Variants in PCDHA3 observed in about 807,000 individuals in gnomAD.
The protein encoded by PCDHA3 is protocadherin alpha-3.
In PCDHA3, 41 loss-of-function variants were observed where a neutral mutation model predicts 62.2. The ratio of observed to expected loss-of-function variants is 0.66; its 90% CI spans 0.51 to 0.86. The LOEUF is 0.86. PCDHA3 is among the 40% of genes least tolerant of loss of function. The probability of loss-of-function intolerance (pLI) is 0.00; values close to 1 mark genes in which losing one functional copy is unlikely to be tolerated. For synonymous variants in PCDHA3, 640 were observed against 555.4 expected (o/e 1.15, Z -2.14); for missense variants, 1,304 against 1,241.2 (o/e 1.05, Z -0.76).
At chr5:140,917,118 G>A (rs961408905) in intron 1 of PCDHA3, among the ~76,000 whole-genome samples, 2 of 152,106 alleles carry the variant, frequency 1.3e-5, no homozygotes, top group African/African-American at 2.4e-5. Context: ...CTCCAAGTGC[G>A]CAGACTCCCC....
intron 1 of PCDHA3, chr5:140,841,148 C>G: frequency 1.3e-6 from 1 of 776,052 alleles, no homozygotes. Context: ...CATGATGTCG[C>G]TGTCTACCAA....
intron 1 of PCDHA3, chr5:140,868,939 G>T (rs2050745278): frequency 1.6e-6 from 2 of 1,242,994 alleles, no homozygotes; most frequent in African/African-American, 1.5e-5. Context: ...AGGTTGGTCT[G>T]AACAGTGAGG....
intron 1 of PCDHA3, chr5:140,816,133 A>T (rs1765850461): frequency 6.6e-6 from 1 of 152,150 alleles, no homozygotes; most frequent in Non-Finnish European, 1.5e-5. Flanking sequence ...AACTGTCATA[A>T]TGAGTAGAGC....
intron 1 of PCDHA3, chr5:140,882,292 C>G (rs2059050033): frequency 1.2e-6 from 2 of 1,613,422 alleles, no homozygotes; most frequent in African/African-American, 1.3e-5. Flanking sequence ...GGCAAGGAGG[C>G]CCAAGACCGC....
At chr5:140,901,207 T>C (rs894216497) in intron 1 of PCDHA3, among the ~76,000 whole-genome samples, 1 of 152,206 alleles carries the variant, frequency 6.6e-6, no homozygotes, top group Non-Finnish European at 1.5e-5. Context: ...AGAAGGTTTT[T>C]AAGTTGATGT....
At chr5:140,857,412 C>G (rs782751627) in intron 1 of PCDHA3, 1 of 1,598,338 alleles carries the variant, frequency 6.3e-7, no homozygotes, top group Admixed American at 1.7e-5. Context: ...CCTGCGTTCG[C>G]GCAGTCCGAG....
intron 1 of PCDHA3, among the ~76,000 whole-genome samples, chr5:140,897,050 G>A (rs1269082503): frequency 6.6e-6 from 1 of 152,014 alleles, no homozygotes; most frequent in Non-Finnish European, 1.5e-5. Flanking sequence ...CTATTCTGCT[G>A]TCAAATACTA....
Position 140,927,871 on chromosome 5 carries a change from C to T in PCDHA3, c.2395-51078C>T, listed in dbSNP as rs376396178. The T allele has an allele frequency of 5.6e-6, 9 of 1,614,048 alleles. No individual in the cohort carries two copies. In the African/African-American group the frequency reaches 1.2e-4, roughly 22 times the overall value. ...TGGTTTAGCTAGCACCGCTAAACTG[C>T]TGGTGGAGGTGACTGACGTGAACGA... On this transcript the variant is annotated intron_variant, in intron 1 of 3. Coordinates refer to ENST00000522353, the MANE Select transcript of PCDHA3 (RefSeq NM_018906.3).
chr5:140,936,079 G>T (rs1341534865), intron 1 of PCDHA3, among the ~76,000 whole-genome samples: 2 of 152,008 alleles, frequency 1.3e-5, no homozygotes, highest in African/African-American at 4.8e-5. Context: ...TTTTAGTAGA[G>T]ACAGGGTTTC....
chr5:140,835,675 G>A (rs2150241595), intron 1 of PCDHA3: 3 of 1,613,800 alleles, frequency 1.9e-6, no homozygotes, highest in Admixed American at 1.7e-5. Context: ...CGGGACGGGG[G>A]CTCGCCTTCT....
rs185914290 is a variant in PCDHA3, at chr5:140,920,039, G to C, written c.2395-58910G>C. ...AGATGGAGACAGAGATTGGAGTGAT[G>C]TCAACAGCCACCAACACCTGGAAAA... On this transcript the variant is annotated intron_variant, in intron 1 of 3. Transcript: ENST00000522353. Among the ~76,000 whole-genome samples, 5 of 152,280 alleles carry C rather than the reference G, an allele frequency of 3.3e-5. No homozygotes were observed. In the South Asian group the frequency reaches 1.0e-3, roughly 32 times the overall value.
At chr5:140,978,397 C>G (rs2096799745) in intron 1 of PCDHA3, among the ~76,000 whole-genome samples, 1 of 152,080 alleles carries the variant, frequency 6.6e-6, no homozygotes, top group Non-Finnish European at 1.5e-5. Flanking sequence ...CCCTAGTATC[C>G]CTCTTCAATC....
At position 140,946,631 on chromosome 5, in the gene PCDHA3, T is replaced by TATATATATATACAC. The variant is rs57893927; in HGVS notation, c.2395-32317_2395-32316insTATATATATACACA. Among the ~76,000 whole-genome samples, 93 of 131,838 alleles carry TATATATATATACAC rather than the reference T, an allele frequency of 7.1e-4. 3 individuals carry two copies. Among genetic ancestry groups the TATATATATATACAC allele is most frequent in the East Asian group, 2.3e-3 (11 of 4,866 alleles). 86.5% of individuals were successfully genotyped at this position (131,838 alleles called of 152,430 possible). A position where few individuals can be genotyped will look rare whatever the true frequency, so the allele number is the denominator to read the frequency against. ...TGTGAAATATATATATATATATATA[T>TATATATATATACAC]ACAATGGAATACTCATCAGCCATTA... On this transcript the variant is annotated intron_variant, in intron 1 of 3. Transcript: ENST00000522353.
chr5:140,985,421 G>T (rs1554247049), intron 3 of PCDHA3, among the ~76,000 whole-genome samples: 1 of 152,110 alleles, frequency 6.6e-6, no homozygotes, highest in African/African-American at 2.4e-5. Context: ...GGAGTGAGGA[G>T]GATTTATTAG....
chr5:140,928,108 G>A (rs782166106), intron 1 of PCDHA3: 5 of 1,614,072 alleles, frequency 3.1e-6, no homozygotes, highest in Admixed American at 3.3e-5. Context: ...CCTGGACCGG[G>A]AGCAGATCAG....
intron 1 of PCDHA3, among the ~76,000 whole-genome samples, chr5:140,820,849 A>G (rs1417595878): frequency 6.6e-6 from 1 of 152,110 alleles, no homozygotes; most frequent in Non-Finnish European, 1.5e-5. Context: ...ACTTGAAGAA[A>G]TGCTATCTAG....
chr5:140,988,075 A>G (rs139957067), intron 3 of PCDHA3, among the ~76,000 whole-genome samples: 4 of 152,258 alleles, frequency 2.6e-5, no homozygotes, highest in Non-Finnish European at 4.4e-5. Flanking sequence ...TTTCTATTTC[A>G]TGAGTGAGTG....
At chr5:140,967,442 G>T in intron 1 of PCDHA3, 1 of 1,613,600 alleles carries the variant, frequency 6.2e-7, no homozygotes, top group Non-Finnish European at 8.5e-7. Context: ...GCACCACCTG[G>T]TTCTCACAGC....
At chr5:140,989,530 AG>A (rs1249109717) in intron 3 of PCDHA3, among the ~76,000 whole-genome samples, 1 of 152,200 alleles carries the variant, frequency 6.6e-6, no homozygotes, top group Non-Finnish European at 1.5e-5. Context: ...CAGAGGAGGA[AG>A]ATAGTTTGTA....
Sources: gnomAD v4.1 joint callset for allele counts (sites outside exome capture counted in the v4.1 genomes callset) on GRCh38, gnomAD v4.1.1 for gene constraint, MANE v1.5 for transcripts, NCBI Gene and HGNC (gene_info 2026-07-23, HGNC 2026-07-21) for gene names.